The following KIAA0232 variants were observed in gnomAD, a reference collection of about 807,000 sequenced individuals.
KIAA0232 encodes uncharacterized protein KIAA0232.
Under a neutral mutation model 122.0 loss-of-function variants are expected in KIAA0232, and 27 were observed. That is an observed-to-expected ratio of 0.22 (90% CI 0.16 to 0.31). The LOEUF is 0.31. KIAA0232 is among the 10% of genes least tolerant of loss of function. The pLI is 1.00. For missense variants in KIAA0232, 1,551 were observed against 1,634.2 expected (o/e 0.95, Z 0.88); for synonymous variants, 613 against 587.6 (o/e 1.04, Z -0.63).
At chr4:6,819,851 G>A (rs1395009095) in intron 2 of KIAA0232, among the ~76,000 whole-genome samples, 2 of 152,086 alleles carry the variant, frequency 1.3e-5, no homozygotes, top group African/African-American at 2.4e-5. Flanking sequence ...CAACCTAGGT[G>A]CCCATCAACA....
chr4:6,788,271 G>A (rs1046296395), intron 1 of KIAA0232, among the ~76,000 whole-genome samples: 3 of 152,060 alleles, frequency 2.0e-5, no homozygotes, highest in Non-Finnish European at 4.4e-5. Context: ...GCCCGCCTTG[G>A]CCTCCGAAAG....
intron 4 of KIAA0232, among the ~76,000 whole-genome samples, chr4:6,842,652 C>T (rs1197601332): frequency 1.3e-5 from 2 of 149,194 alleles, no homozygotes; most frequent in Non-Finnish European, 3.0e-5. Context: ...GTGGTGTGAT[C>T]TCAACTTACT....
At chr4:6,868,323 G>T (rs1721292680) in intron 7 of KIAA0232, among the ~76,000 whole-genome samples, 1 of 152,088 alleles carries the variant, frequency 6.6e-6, no homozygotes, top group South Asian at 2.1e-4. Context: ...TACTATTCTT[G>T]GTGCTGGGAA....
intron 1 of KIAA0232, among the ~76,000 whole-genome samples, chr4:6,802,417 C>T (rs919887061): frequency 2.6e-5 from 4 of 152,138 alleles, no homozygotes; most frequent in East Asian, 1.9e-4. Flanking sequence ...TACATCACAG[C>T]GTGCCATGGT....
chr4:6,794,899 A>T (rs1047123842), intron 1 of KIAA0232, among the ~76,000 whole-genome samples: 1 of 152,162 alleles, frequency 6.6e-6, no homozygotes, highest in African/African-American at 2.4e-5. Context: ...TGCCAGTCAG[A>T]TATCTCCTTG....
intron 1 of KIAA0232, among the ~76,000 whole-genome samples, chr4:6,802,680 C>T (rs1045644879): frequency 6.6e-6 from 1 of 151,792 alleles, no homozygotes. Flanking sequence ...ACGTCTTCCC[C>T]AAGGACATAA....
At chr4:6,814,030 T>A (rs1718000898) in intron 2 of KIAA0232, among the ~76,000 whole-genome samples, 1 of 152,146 alleles carries the variant, frequency 6.6e-6, no homozygotes, top group African/African-American at 2.4e-5. Context: ...CCAAGGCTAT[T>A]TTTAATCCTA....
chr4:6,880,337 T>A (rs983093759), intron 9 of KIAA0232, among the ~76,000 whole-genome samples: 1 of 146,706 alleles, frequency 6.8e-6, no homozygotes, highest in Non-Finnish European at 1.5e-5. Context: ...CTGTACTGTG[T>A]CACTGCAAAC....
At chr4:6,793,352 A>C (rs569338299) in intron 1 of KIAA0232, among the ~76,000 whole-genome samples, 1 of 152,346 alleles carries the variant, frequency 6.6e-6, no homozygotes, top group South Asian at 2.1e-4. Flanking sequence ...CGAATGCTAC[A>C]GACTTTCAGA....
chr4:6,800,043 C>CTT (rs752428517), intron 1 of KIAA0232, among the ~76,000 whole-genome samples: 32 of 60,072 alleles, frequency 5.3e-4, no homozygotes, highest in African/African-American at 8.5e-4. Flanking sequence ...TTCTTTCTTT[C>CTT]TTTTTTTTTT....
chr4:6,846,327 T>TG (rs1719964834), intron 4 of KIAA0232, among the ~76,000 whole-genome samples: 2 of 152,128 alleles, frequency 1.3e-5, no homozygotes, highest in Admixed American at 6.5e-5. Context: ...CCCCGGGCCA[T>TG]GGACAGGTAC....
chr4:6,839,931 G>A (rs1719554304), intron 3 of KIAA0232, among the ~76,000 whole-genome samples: 1 of 152,002 alleles, frequency 6.6e-6, no homozygotes, highest in Admixed American at 6.6e-5. Flanking sequence ...TTTTTTAGGG[G>A]CAAATAGGGG....
At chr4:6,849,014 C>T (rs1720127007) in intron 4 of KIAA0232, among the ~76,000 whole-genome samples, 1 of 152,126 alleles carries the variant, frequency 6.6e-6, no homozygotes, top group Non-Finnish European at 1.5e-5. Context: ...TGGGCTTTTC[C>T]CCTGAGCAGC....
intron 2 of KIAA0232, among the ~76,000 whole-genome samples, chr4:6,823,763 G>A (rs1272594141): frequency 6.6e-6 from 1 of 151,714 alleles, no homozygotes; most frequent in Non-Finnish European, 1.5e-5. Context: ...CAGAAGCAGA[G>A]CATCAACTCC....
Position 6,787,159 on chromosome 4 carries a change from G to A in KIAA0232, c.-354+4318G>A, listed in dbSNP as rs148722428. Among the ~76,000 whole-genome samples the A allele has an allele frequency of 5.4e-3, 684 of 125,934 alleles. 6 individuals are homozygous for A. Among genetic ancestry groups the A allele is most frequent in the African/African-American group, 0.021 (665 of 32,118 alleles). 82.6% of individuals were successfully genotyped at this position (125,934 alleles called of 152,430 possible). On this transcript the variant is annotated intron_variant, in intron 1 of 9. Coordinates refer to ENST00000307659, the MANE Select transcript of KIAA0232 (RefSeq NM_014743.3). The stretch of plus-strand genomic sequence containing the variant: ...TCACACCACTGGACTCCAGCCTGGC[G>A]ACAGAGCAAGGCTCTCTCAAAAAAA...
intron 8 of KIAA0232, among the ~76,000 whole-genome samples, chr4:6,874,257 C>G (rs1721639993): frequency 6.6e-6 from 1 of 152,232 alleles, no homozygotes; most frequent in Non-Finnish European, 1.5e-5. Flanking sequence ...TCCCCCTGCT[C>G]AGGTACCTTC....
intron 9 of KIAA0232, among the ~76,000 whole-genome samples, chr4:6,878,101 G>T (rs553998460): frequency 6.6e-6 from 1 of 152,264 alleles, no homozygotes; most frequent in East Asian, 1.9e-4. Flanking sequence ...TCAGCCGGGC[G>T]CTGTGGCTCA....
intron 8 of KIAA0232, 40 bp from the exon 9 acceptor site, chr4:6,876,620 C>T (rs1229954180): frequency 2.3e-6 from 3 of 1,301,244 alleles, no homozygotes; most frequent in Admixed American, 1.7e-5. Flanking sequence ...TGGAATTTCC[C>T]CCTTTCCCTC....
In KIAA0232 at chr4:6,818,332, G is replaced by A. The variant is rs548768178; in HGVS notation, c.-269-5853G>A. 7.9e-5 allele frequency among the ~76,000 whole-genome samples: 12 copies of A among 151,526 alleles called. No individual in the cohort carries two copies. The East Asian group carries it at 1.6e-3, about 20-fold the overall frequency. ...AGAGAATTTTTAGAACCCAGGAGGC[G>A]GAGTTTGCAGTGAGCCAAAGTTGCA... On this transcript the variant is annotated intron_variant, in intron 2 of 9. Transcript: ENST00000307659.
Sources: gnomAD v4.1 joint callset for allele counts (sites outside exome capture counted in the v4.1 genomes callset) on GRCh38, gnomAD v4.1.1 for gene constraint, MANE v1.5 for transcripts, NCBI Gene and HGNC (gene_info 2026-07-23, HGNC 2026-07-21) for gene names.